The following MTFR1 variants were observed in gnomAD, a reference collection of about 807,000 sequenced individuals.
The protein encoded by MTFR1 is mitochondrial fission regulator 1, also known as chondrocyte protein with a poly-proline region.
A neutral mutation model predicts 38.8 loss-of-function variants in MTFR1; 28 were observed. The observed-to-expected ratio is 0.72, with a 90% CI of 0.53 to 0.99. The LOEUF is 0.99. Among genes scored for constraint, MTFR1 ranks in the 50% least tolerant of loss-of-function variants. MTFR1 has a pLI of 0.00. For missense variants in MTFR1, 358 were observed against 395.5 expected (o/e 0.91, Z 0.81); for synonymous variants, 145 against 137.0 (o/e 1.06, Z -0.41).
chr8:65,694,044 A>G (rs1805359293), intron 4 of MTFR1, among the ~76,000 whole-genome samples: 1 of 149,612 alleles, frequency 6.7e-6, no homozygotes, highest in Non-Finnish European at 1.5e-5. Flanking sequence ...CTGGGATCAC[A>G]GGCATGCACC....
chr8:65,741,681 A>G (rs1807443641), intron 3 of MTFR1, among the ~76,000 whole-genome samples: 2 of 152,242 alleles, frequency 1.3e-5, no homozygotes, highest in Non-Finnish European at 2.9e-5. Context: ...GTGTGGAGCC[A>G]TTTCTGAAGA....
chr8:65,646,374 A>G (rs1001597700), intron 1 of MTFR1, among the ~76,000 whole-genome samples: 2 of 152,204 alleles, frequency 1.3e-5, no homozygotes, highest in African/African-American at 2.4e-5. Flanking sequence ...AACTGTAACA[A>G]TGTCCTAGGA....
chr8:65,683,132 C>CTTTTTTTTTTTTTTTTT (rs748824241), intron 3 of MTFR1, among the ~76,000 whole-genome samples: 10 of 121,662 alleles, frequency 8.2e-5, no homozygotes, highest in South Asian at 2.5e-4. Flanking sequence ...TTCTTTCTTT[C>CTTTTTTTTTTTTTTTTT]TTTTTTTTTT....
intron 1 of MTFR1, among the ~76,000 whole-genome samples, chr8:65,665,933 C>T (rs1225411590): frequency 1.3e-5 from 2 of 152,174 alleles, no homozygotes; most frequent in South Asian, 2.1e-4. Flanking sequence ...TTAATTCTTA[C>T]AACTCTGTGA....
intron 3 of MTFR1, chr8:65,728,512 C>T (rs767743645): frequency 1.3e-4 from 20 of 152,104 alleles, no homozygotes; most frequent in Non-Finnish European, 2.2e-4. Context: ...AATTAGTACA[C>T]GGAGAAGGTC....
downstream of MTFR1, among the ~76,000 whole-genome samples, chr8:65,712,522 C>A (rs1805977590): frequency 6.6e-6 from 1 of 152,142 alleles, no homozygotes; most frequent in Non-Finnish European, 1.5e-5. Context: ...TAGAAATTAT[C>A]AAGAAATGAA....
chr8:65,730,358 T>G (rs987452845), intron 3 of MTFR1, among the ~76,000 whole-genome samples: 6 of 151,092 alleles, frequency 4.0e-5, no homozygotes, highest in Non-Finnish European at 2.9e-5. Context: ...TTTTGTATTT[T>G]TAGTAGAGAC....
chr8:65,718,349 TTAG>T (rs1318252365), intron 2 of MTFR1: 1 of 152,268 alleles, frequency 6.6e-6, no homozygotes. Context: ...GAAAGGGACT[TTAG>T]TACCCTTGAT....
chr8:65,777,077 CTTTTTT>C, the MTFR1 span, among the ~76,000 whole-genome samples: 1 of 90,460 alleles, frequency 1.1e-5, no homozygotes, highest in Middle Eastern at 5.8e-3. Flanking sequence ...TTATCAAATG[CTTTTTT>C]TTTTTTTTTT....
At chr8:65,752,356 C>T (rs1296228805) in intron 3 of MTFR1, among the ~76,000 whole-genome samples, 1 of 152,158 alleles carries the variant, frequency 6.6e-6, no homozygotes. Context: ...CTCATGAAAA[C>T]AAAATTATCT....
rs1007576141 is a variant in MTFR1, at chr8:65,665,317, A to G, written c.-80-4556A>G. ...GCCAGTTATTTCCAGCTTTGACATC[A>G]TTTTTGGTTCTTTGCTCTTTTTATT... On this transcript the variant is annotated intron_variant, in intron 1 of 7. Transcript: ENST00000262146. 2.4e-4 allele frequency among the ~76,000 whole-genome samples: 36 copies of G among 151,940 alleles called. 1 individual carries two copies. Among genetic ancestry groups the G allele is most frequent in the Non-Finnish European group, 2.4e-4 (16 of 67,968 alleles).
At chr8:65,683,825 G>T (rs1804982921) in intron 3 of MTFR1, among the ~76,000 whole-genome samples, 1 of 151,902 alleles carries the variant, frequency 6.6e-6, no homozygotes, top group African/African-American at 2.4e-5. Context: ...GCACCCGGCT[G>T]CCTTTTTTTC....
intron 4 of MTFR1, among the ~76,000 whole-genome samples, chr8:65,701,011 C>G (rs1408925850): frequency 1.3e-5 from 2 of 152,206 alleles, no homozygotes; most frequent in African/African-American, 2.4e-5. Context: ...TGCAGATTTA[C>G]TGAACTAGAG....
downstream of MTFR1, among the ~76,000 whole-genome samples, chr8:65,772,326 T>C (rs568089439): frequency 2.0e-5 from 3 of 152,294 alleles, no homozygotes; most frequent in African/African-American, 4.8e-5. Flanking sequence ...TTAGGGAAAA[T>C]AGTCTTATTT....
chr8:65,762,675 CATT>C (rs1254867682), intron 3 of MTFR1, among the ~76,000 whole-genome samples: 2 of 152,082 alleles, frequency 1.3e-5, no homozygotes, highest in African/African-American at 4.8e-5. Context: ...TAGACATGGT[CATT>C]ATTATGAATA....
chr8:65,726,474 T>C (rs1017723660), intron 3 of MTFR1, among the ~76,000 whole-genome samples: 1 of 152,186 alleles, frequency 6.6e-6, no homozygotes, highest in Non-Finnish European at 1.5e-5. Context: ...TGGGAACAGA[T>C]TTTAATGAAT....
chr8:65,758,634 C>A (rs1563492188), intron 3 of MTFR1, among the ~76,000 whole-genome samples: 1 of 152,184 alleles, frequency 6.6e-6, no homozygotes, highest in Non-Finnish European at 1.5e-5. Flanking sequence ...GACAGTGTTT[C>A]AATTGCCATT....
chr8:65,676,249 G>T (rs1393418413), intron 2 of MTFR1, among the ~76,000 whole-genome samples: 1 of 152,168 alleles, frequency 6.6e-6, no homozygotes, highest in African/African-American at 2.4e-5. Context: ...TAACAGTATG[G>T]ATGCTCTTCC....
chr8:65,764,587 G>A (rs895109105), intron 3 of MTFR1, among the ~76,000 whole-genome samples: 1 of 152,060 alleles, frequency 6.6e-6, no homozygotes, highest in African/African-American at 2.4e-5. Context: ...AAAGAAAAGG[G>A]GAAAAGCACT....
Sources: gnomAD v4.1 joint callset for allele counts (sites outside exome capture counted in the v4.1 genomes callset) on GRCh38, gnomAD v4.1.1 for gene constraint, MANE v1.5 for transcripts, NCBI Gene and HGNC (gene_info 2026-07-23, HGNC 2026-07-21) for gene names.